Variants in LDLRAD3 observed in about 807,000 individuals in gnomAD.
LDLRAD3 encodes low-density lipoprotein receptor class A domain-containing protein 3.
In LDLRAD3, 20 loss-of-function variants were observed where a neutral mutation model predicts 29.4. The ratio of observed to expected loss-of-function variants is 0.68; its 90% CI spans 0.48 to 0.99. The LOEUF is 0.99. Among genes scored for constraint, LDLRAD3 ranks in the 50% least tolerant of loss-of-function variants. LDLRAD3 has a pLI of 0.00. For synonymous variants in LDLRAD3, 157 were observed against 192.7 expected (o/e 0.81, Z 1.53); for missense variants, 420 against 454.3 (o/e 0.92, Z 0.69).
intron 4 of LDLRAD3, among the ~76,000 whole-genome samples, chr11:36,131,597 A>G (rs1008032686): frequency 2.0e-5 from 3 of 152,232 alleles, no homozygotes; most frequent in Non-Finnish European, 4.4e-5. Context: ...TAAAAAAATT[A>G]TGGTGAAATA....
intron 1 of LDLRAD3, among the ~76,000 whole-genome samples, chr11:35,970,291 C>A (rs1161700228): frequency 6.6e-6 from 1 of 152,012 alleles, no homozygotes; most frequent in African/African-American, 2.4e-5. Flanking sequence ...CTGGAGTGGG[C>A]CCTAATTCCC....
At chr11:36,036,357 G>A in intron 2 of LDLRAD3, 108 bp downstream of exon 2, 1 of 1,303,682 alleles carries the variant, frequency 7.7e-7, no homozygotes, top group East Asian at 2.4e-5. Flanking sequence ...CTGCAAGCTG[G>A]TGGTTTTGTG....
Position 36,229,645 on chromosome 11 carries a change from C to A in LDLRAD3, c.*248C>A, listed in dbSNP as rs76103857. ...TCTTCCCTTGGGACCCGAGATCACA[C>A]CCTCATTTTTCACATTATTCTGTTT... On this transcript the variant is annotated 3_prime_UTR_variant, in exon 6 of 6. Transcript: ENST00000315571. The A allele has an allele frequency of 2.0e-6, 1 of 505,162 alleles. No individual in the cohort carries two copies. Among genetic ancestry groups the A allele is most frequent in the African/African-American group, 1.9e-5 (1 of 52,846 alleles). 31.3% of individuals were successfully genotyped at this position (505,162 alleles called of 1,614,324 possible).
intron 4 of LDLRAD3, among the ~76,000 whole-genome samples, chr11:36,142,101 G>C (rs188883862): frequency 6.6e-6 from 1 of 152,230 alleles, no homozygotes; most frequent in Admixed American, 6.5e-5. Flanking sequence ...TCACTTTTGG[G>C]GAAGCCATCC....
At chr11:36,212,772 G>A (rs752751615) in intron 4 of LDLRAD3, among the ~76,000 whole-genome samples, 1 of 152,038 alleles carries the variant, frequency 6.6e-6, no homozygotes, top group African/African-American at 2.4e-5. Flanking sequence ...GACTGCTGGG[G>A]GCTTTCCTCC....
chr11:36,221,204 A>C (rs1251399750), intron 4 of LDLRAD3, among the ~76,000 whole-genome samples: 2 of 152,082 alleles, frequency 1.3e-5, no homozygotes, highest in Non-Finnish European at 2.9e-5. Context: ...AAAATTAGCC[A>C]GGCATGGTGG....
intron 4 of LDLRAD3, among the ~76,000 whole-genome samples, chr11:36,133,638 AT>A (rs1163185627): frequency 2.2e-5 from 3 of 139,424 alleles, no homozygotes; most frequent in Non-Finnish European, 4.5e-5. Flanking sequence ...GGTTCACGCC[AT>A]TCTCCTGCCT....
At chr11:36,064,248 G>A (rs1852753438) in intron 2 of LDLRAD3, among the ~76,000 whole-genome samples, 1 of 152,124 alleles carries the variant, frequency 6.6e-6, no homozygotes, top group Non-Finnish European at 1.5e-5. Flanking sequence ...TGATTTTGGT[G>A]TATCCACCTT....
chr11:36,091,207 G>A (rs990143159), intron 3 of LDLRAD3, among the ~76,000 whole-genome samples: 4 of 152,196 alleles, frequency 2.6e-5, no homozygotes, highest in Admixed American at 2.6e-4. Flanking sequence ...TGGAGAAGCC[G>A]ATGGGAATTG....
chr11:36,097,725 T>A (rs952674902), intron 3 of LDLRAD3, among the ~76,000 whole-genome samples: 2 of 152,150 alleles, frequency 1.3e-5, no homozygotes, highest in African/African-American at 4.8e-5. Flanking sequence ...AAAAATGTAC[T>A]GCACTTGAGT....
At chr11:36,125,584 G>A (rs1021087540) in intron 4 of LDLRAD3, among the ~76,000 whole-genome samples, 4 of 152,184 alleles carry the variant, frequency 2.6e-5, no homozygotes, top group Non-Finnish European at 5.9e-5. Flanking sequence ...TCAGCTGGTC[G>A]ATGGGGTGAG....
intron 1 of LDLRAD3, among the ~76,000 whole-genome samples, chr11:35,986,537 A>G (rs1851616865): frequency 6.6e-6 from 1 of 152,242 alleles, no homozygotes; most frequent in Non-Finnish European, 1.5e-5. Context: ...TTTAACACAT[A>G]GAAGCCTATT....
intron 2 of LDLRAD3, among the ~76,000 whole-genome samples, chr11:36,073,389 A>G (rs1239692201): frequency 1.3e-5 from 2 of 152,236 alleles, no homozygotes; most frequent in Admixed American, 6.5e-5. Flanking sequence ...TGCCTTTGTC[A>G]GGGCTGCTTT....
intron 4 of LDLRAD3, among the ~76,000 whole-genome samples, chr11:36,192,886 T>G (rs962754087): frequency 4.6e-5 from 7 of 152,194 alleles, no homozygotes; most frequent in African/African-American, 1.7e-4. Flanking sequence ...GCATGGACTT[T>G]GGAGCCAAAC....
rs993796478 is a variant in LDLRAD3, at chr11:35,990,969, A to G, written c.47-45134A>G. Among the ~76,000 whole-genome samples the G allele has an allele frequency of 5.3e-5, 8 of 152,222 alleles. 1 individual carries two copies. The South Asian group carries it at 1.0e-3, about 20-fold the overall frequency. ...CAAAGTCCTAACACAGTATCCACACATAGGTGGCCTTCAGTAAATAATAGT... is the reference window on the plus strand; with the variant it reads ...CAAAGTCCTAACACAGTATCCACACGTAGGTGGCCTTCAGTAAATAATAGT... On this transcript the variant is annotated intron_variant, in intron 1 of 5. Coordinates refer to ENST00000315571, the MANE Select transcript of LDLRAD3 (RefSeq NM_174902.4).
At chr11:36,025,805 GT>G (rs1402259618) in intron 1 of LDLRAD3, among the ~76,000 whole-genome samples, 1 of 124,580 alleles carries the variant, frequency 8.0e-6, no homozygotes. Flanking sequence ...TTGAGATGGA[GT>G]TTCGCTCTTG....
At chr11:36,199,077 T>C (rs567791716) in intron 4 of LDLRAD3, among the ~76,000 whole-genome samples, 4 of 152,170 alleles carry the variant, frequency 2.6e-5, no homozygotes, top group Non-Finnish European at 5.9e-5. Context: ...ATTTTTTATA[T>C]TTTTAGTAGA....
chr11:36,081,616 T>C (rs1853115203), intron 2 of LDLRAD3, 37 bp from the exon 3 acceptor site: 11 of 1,613,974 alleles, frequency 6.8e-6, no homozygotes, highest in South Asian at 1.1e-5. Context: ...TCTGAGAACA[T>C]CTCCTGATGT....
At chr11:36,104,919 A>T (rs1314829836) in intron 4 of LDLRAD3, among the ~76,000 whole-genome samples, 2 of 152,158 alleles carry the variant, frequency 1.3e-5, no homozygotes, top group African/African-American at 4.8e-5. Context: ...ATTAGTATGA[A>T]GACTGGCATG....
Sources: gnomAD v4.1 joint callset for allele counts (sites outside exome capture counted in the v4.1 genomes callset) on GRCh38, gnomAD v4.1.1 for gene constraint, MANE v1.5 for transcripts, NCBI Gene and HGNC (gene_info 2026-07-23, HGNC 2026-07-21) for gene names.